Variants in SORCS2 observed in about 807,000 individuals in gnomAD.
The protein encoded by SORCS2 is VPS10 domain-containing receptor SorCS2.
SORCS2 carries 100 observed loss-of-function variants against 141.6 expected under a neutral mutation model. The ratio of observed to expected loss-of-function variants is 0.71; its 90% CI spans 0.60 to 0.83. SORCS2 has a LOEUF of 0.83. Ranked by LOEUF, SORCS2 falls within the 40% of genes least tolerant of loss-of-function variation. The pLI, the probability that SORCS2 is intolerant of heterozygous loss-of-function variation, is 0.00. For missense variants in SORCS2, 1,646 were observed against 1,560.2 expected (o/e 1.05, Z -0.93); for synonymous variants, 789 against 676.9 (o/e 1.17, Z -2.57).
chr4:7,552,439 T>C (rs1577737037), intron 3 of SORCS2, among the ~76,000 whole-genome samples: 1 of 152,036 alleles, frequency 6.6e-6, no homozygotes, highest in African/African-American at 2.4e-5. Flanking sequence ...CACTAGAGGG[T>C]AGCTCTGATT....
chr4:7,655,256 G>A lies in SORCS2; in HGVS notation c.887+1049G>A, dbSNP rs540278530. On this transcript the variant is annotated intron_variant, in intron 5 of 26. Transcript: ENST00000507866. ...CTAGCCTTTCTCTTTCTTATCCCAC[G>A]TGTGGAACAGACCATTGCACGGGCC... 5.3e-5 allele frequency among the ~76,000 whole-genome samples: 8 copies of A among 150,332 alleles called. No homozygotes were observed. The South Asian group carries it at 6.2e-4, about 12-fold the overall frequency.
chr4:7,228,406 T>C (rs1363442684), intron 1 of SORCS2, among the ~76,000 whole-genome samples: 1 of 152,132 alleles, frequency 6.6e-6, no homozygotes, highest in Non-Finnish European at 1.5e-5. Flanking sequence ...ATGTGTCCGG[T>C]GCTGTGGGGA....
At chr4:7,518,776 C>T (rs1027252591) in intron 2 of SORCS2, among the ~76,000 whole-genome samples, 2 of 152,166 alleles carry the variant, frequency 1.3e-5, no homozygotes, top group Non-Finnish European at 2.9e-5. Context: ...AGGCCAGAGA[C>T]TCACCTCTAC....
intron 3 of SORCS2, among the ~76,000 whole-genome samples, chr4:7,621,669 GA>G (rs1171260119): frequency 6.6e-6 from 1 of 152,176 alleles, no homozygotes; most frequent in Non-Finnish European, 1.5e-5. Flanking sequence ...TTTAAAACAT[GA>G]AAACACTTTT....
chr4:7,639,913 G>A (rs1447118679), intron 4 of SORCS2, among the ~76,000 whole-genome samples: 2 of 102,122 alleles, frequency 2.0e-5, no homozygotes, highest in Admixed American at 2.2e-4. Context: ...GTTTGTGGGT[G>A]TGTGTGTGTT....
intron 2 of SORCS2, among the ~76,000 whole-genome samples, chr4:7,462,365 C>A (rs528896993): frequency 4.2e-4 from 64 of 152,256 alleles, no homozygotes; most frequent in African/African-American, 1.5e-3. Flanking sequence ...AAGGGCAGCA[C>A]GAAGGATCTA....
chr4:7,493,068 G>A (rs1731406621), intron 2 of SORCS2, among the ~76,000 whole-genome samples: 6 of 152,242 alleles, frequency 3.9e-5, no homozygotes, highest in Admixed American at 3.9e-4. Flanking sequence ...CATCTGGGGT[G>A]TGGCCATGCT....
intron 2 of SORCS2, chr4:7,460,022 A>G (rs1240765057): frequency 6.5e-6 from 1 of 154,870 alleles, no homozygotes; most frequent in Non-Finnish European, 1.5e-5. Context: ...CCAATCTGGT[A>G]GGCGAGGGGC....
chr4:7,521,763 C>T (rs1353555019), intron 2 of SORCS2, among the ~76,000 whole-genome samples: 1 of 152,204 alleles, frequency 6.6e-6, no homozygotes, highest in African/African-American at 2.4e-5. Flanking sequence ...CCTCAGTTTC[C>T]CCATATATAA....
At chr4:7,306,500 T>C (rs1454275776) in intron 1 of SORCS2, among the ~76,000 whole-genome samples, 1 of 152,088 alleles carries the variant, frequency 6.6e-6, no homozygotes, top group Non-Finnish European at 1.5e-5. Flanking sequence ...AGGATGGCTG[T>C]TGGAGCAGAG....
intron 1 of SORCS2, among the ~76,000 whole-genome samples, chr4:7,337,474 G>A (rs73796651): frequency 0.023 from 3,480 of 152,190 alleles, 125 homozygotes; most frequent in African/African-American, 0.08. Flanking sequence ...AGAGGTCGGG[G>A]AGAGTTCCAG....
chr4:7,275,549 A>G (rs56030131), intron 1 of SORCS2, among the ~76,000 whole-genome samples: 14,854 of 152,122 alleles, frequency 0.098, 1,086 homozygotes, highest in Admixed American at 0.24. Flanking sequence ...CCTTGGGTCA[A>G]CGTGGGTGCA....
intron 1 of SORCS2, among the ~76,000 whole-genome samples, chr4:7,385,529 T>C (rs554642509): frequency 6.6e-6 from 1 of 152,260 alleles, no homozygotes; most frequent in South Asian, 2.1e-4. Flanking sequence ...CAGGCTGATG[T>C]GGTTTGAGTC....
rs577656736 is a variant in SORCS2 at position 7,308,192 on chromosome 4, C to A, written c.481-88096C>A. Among the ~76,000 whole-genome samples, 3 of 152,258 alleles carry A rather than the reference C, an allele frequency of 2.0e-5. No homozygotes were observed. The South Asian group carries it at 6.2e-4, about 32-fold the overall frequency. On this transcript the variant is annotated intron_variant, in intron 1 of 26. Transcript: ENST00000507866. ...TTCTTGACTCCACCCCAGGCCGAGT[C>A]CCTGCGTGAAACTCCTTTAGGGATC...
intron 2 of SORCS2, among the ~76,000 whole-genome samples, chr4:7,401,240 C>A (rs765407153): frequency 1.3e-5 from 2 of 149,804 alleles, no homozygotes; most frequent in African/African-American, 4.9e-5. Flanking sequence ...GATGGATGGA[C>A]AGATGAATGA....
chr4:7,662,174 T>C (rs1025433111), intron 6 of SORCS2, among the ~76,000 whole-genome samples: 7 of 152,090 alleles, frequency 4.6e-5, no homozygotes, highest in African/African-American at 1.7e-4. Flanking sequence ...GGGGTCATCA[T>C]GGCCAAGCTT....
chr4:7,695,232 ATGGATGAG>A (rs2108995980), intron 11 of SORCS2, among the ~76,000 whole-genome samples: 1 of 144,280 alleles, frequency 6.9e-6, no homozygotes, highest in South Asian at 2.3e-4. Flanking sequence ...GCATAGATGG[ATGGATGAG>A]TGGATGGGTG....
At chr4:7,290,694 G>C (rs763935046) in intron 1 of SORCS2, among the ~76,000 whole-genome samples, 1 of 152,216 alleles carries the variant, frequency 6.6e-6, no homozygotes, top group Non-Finnish European at 1.5e-5. Context: ...CATTATGTAT[G>C]TGCGTGTGTG....
intron 3 of SORCS2, among the ~76,000 whole-genome samples, chr4:7,585,129 A>G (rs920616769): frequency 1.3e-5 from 2 of 152,356 alleles, no homozygotes; most frequent in East Asian, 3.9e-4. Context: ...AGACAAGCAT[A>G]TAAAACTGAA....
Sources: gnomAD v4.1 joint callset for allele counts (sites outside exome capture counted in the v4.1 genomes callset) on GRCh38, gnomAD v4.1.1 for gene constraint, MANE v1.5 for transcripts, NCBI Gene and HGNC (gene_info 2026-07-23, HGNC 2026-07-21) for gene names.